Variants in EIF4G3 observed in about 807,000 individuals in gnomAD.
The protein encoded by EIF4G3 is eIF-4-gamma 3.
Under a neutral mutation model 186.4 loss-of-function variants are expected in EIF4G3, and 34 were observed. The observed-to-expected ratio is 0.18, with a 90% CI of 0.14 to 0.24. EIF4G3 has a LOEUF of 0.24. Ranked by LOEUF, EIF4G3 falls within the 10% of genes least tolerant of loss-of-function variation. EIF4G3 has a pLI of 1.00. For synonymous variants in EIF4G3, 673 were observed against 679.5 expected, an observed-to-expected ratio of 0.99 and a Z score of 0.15; for missense variants, 1,536 against 1,948.5, an observed-to-expected ratio of 0.79 and a Z score of 3.99.
At chr1:20,933,691 T>C (rs1381901675) in intron 14 of EIF4G3, among the ~76,000 whole-genome samples, 1 of 151,872 alleles carries the variant, frequency 6.6e-6, no homozygotes, top group African/African-American at 2.4e-5. Context: ...CAGGGCACCT[T>C]GTGAAATGAC....
At chr1:21,093,950 G>C (rs1467305837) in intron 2 of EIF4G3, among the ~76,000 whole-genome samples, 1 of 152,074 alleles carries the variant, frequency 6.6e-6, no homozygotes, top group African/African-American at 2.4e-5. Context: ...ACCAGGGCCT[G>C]TCATGGGGTG....
intron 34 of EIF4G3, among the ~76,000 whole-genome samples, chr1:20,815,759 G>T (rs1218239586): frequency 4.1e-5 from 5 of 123,424 alleles, no homozygotes; most frequent in Admixed American, 3.9e-4. Context: ...CCGGCCAGTT[G>T]CCCCGTCCAG....
At chr1:20,897,616 T>C (rs2088730077) in intron 16 of EIF4G3, among the ~76,000 whole-genome samples, 1 of 152,080 alleles carries the variant, frequency 6.6e-6, no homozygotes, top group South Asian at 2.1e-4. Context: ...CTTCTTACAT[T>C]AGAGATTCCT....
At chr1:21,000,375 C>A (rs1042589291) in intron 6 of EIF4G3, among the ~76,000 whole-genome samples, 1 of 152,004 alleles carries the variant, frequency 6.6e-6, no homozygotes, top group African/African-American at 2.4e-5. Context: ...CCTAAAACTG[C>A]GCAATTGCCA....
intron 4 of EIF4G3, among the ~76,000 whole-genome samples, chr1:21,012,985 A>T (rs1046772315): frequency 2.6e-5 from 4 of 152,222 alleles, no homozygotes; most frequent in Admixed American, 6.5e-5. Context: ...GAAGGATTTA[A>T]CCTTACCTAG....
intron 2 of EIF4G3, among the ~76,000 whole-genome samples, chr1:21,129,419 G>A (rs2097111498): frequency 1.3e-5 from 2 of 152,066 alleles, no homozygotes; most frequent in Non-Finnish European, 2.9e-5. Flanking sequence ...CACTTGGTAA[G>A]TACGACATTC....
At chr1:20,892,673 T>G (rs1572306470) in intron 18 of EIF4G3, 4 of 1,536,082 alleles carry the variant, frequency 2.6e-6, no homozygotes, top group East Asian at 2.4e-5. Flanking sequence ...GAGGGCAAGT[T>G]GGGGCTTTGC....
intron 13 of EIF4G3, among the ~76,000 whole-genome samples, chr1:20,949,442 T>C (rs1363880060): frequency 6.6e-6 from 1 of 152,166 alleles, no homozygotes; most frequent in African/African-American, 2.4e-5. Context: ...ACAGTAATCC[T>C]GTCAAGCACA....
At chr1:20,939,212 A>G (rs925044705) in intron 14 of EIF4G3, among the ~76,000 whole-genome samples, 1 of 152,094 alleles carries the variant, frequency 6.6e-6, no homozygotes, top group Non-Finnish European at 1.5e-5. Context: ...GGAAATTATA[A>G]AACTTGTAAT....
chr1:20,943,945 T>C (rs2095815174), intron 13 of EIF4G3, among the ~76,000 whole-genome samples: 1 of 143,898 alleles, frequency 6.9e-6, no homozygotes, highest in Non-Finnish European at 1.5e-5. Context: ...CAGACAAAAA[T>C]ATTTCAGGAA....
intron 34 of EIF4G3, among the ~76,000 whole-genome samples, chr1:20,814,750 T>TCCCTCTCCC (rs1557737589): frequency 4.9e-5 from 1 of 20,498 alleles, no homozygotes; most frequent in Non-Finnish European, 1.1e-4. Flanking sequence ...AAAATTCATC[T>TCCCTCTCCC]CCCCCTCCCC....
intron 3 of EIF4G3, among the ~76,000 whole-genome samples, chr1:21,072,648 C>T (rs893792425): frequency 3.9e-5 from 6 of 152,012 alleles, no homozygotes; most frequent in African/African-American, 1.4e-4. Context: ...GTGACCCGCC[C>T]GCCTCAGTAT....
intron 14 of EIF4G3, among the ~76,000 whole-genome samples, chr1:20,914,682 G>C (rs564192132): frequency 3.9e-5 from 6 of 152,044 alleles, no homozygotes; most frequent in African/African-American, 1.4e-4. Context: ...ATTTTCATTC[G>C]GTTCAAAATA....
At chr1:21,120,126 C>A (rs892388642) in intron 2 of EIF4G3, among the ~76,000 whole-genome samples, 1 of 149,882 alleles carries the variant, frequency 6.7e-6, no homozygotes, top group East Asian at 1.9e-4. Flanking sequence ...CATTTATTTT[C>A]GCACAATGGA....
chr1:21,166,792 G>C (rs1018463347), intron 2 of EIF4G3, among the ~76,000 whole-genome samples: 8 of 151,844 alleles, frequency 5.3e-5, no homozygotes, highest in East Asian at 1.9e-4. Flanking sequence ...GTTTTGGGGG[G>C]TTTTTTTGAG....
At chr1:21,042,964 T>C (rs2093663932) in intron 4 of EIF4G3, among the ~76,000 whole-genome samples, 1 of 152,220 alleles carries the variant, frequency 6.6e-6, no homozygotes, top group Non-Finnish European at 1.5e-5. Flanking sequence ...AAAATCTGAA[T>C]GTCACAACCA....
intron 2 of EIF4G3, among the ~76,000 whole-genome samples, chr1:21,161,222 A>T (rs923753715): frequency 1.3e-5 from 2 of 151,792 alleles, no homozygotes; most frequent in Admixed American, 1.3e-4. Flanking sequence ...AACAAGTGCC[A>T]GCCTGGCACA....
Position 21,136,045 on chromosome 1 carries a change from C to T in EIF4G3, c.-272+40130G>A, listed in dbSNP as rs189382281. 3.7e-3 allele frequency among the ~76,000 whole-genome samples: 562 copies of T among 151,626 alleles called. 5 individuals carry two copies. The highest frequency in any genetic ancestry group is 4.4e-3 in the Non-Finnish European group (301 of 67,900). ...AAAAATACAAAAAATTAGCCGGGCA[C>T]GGTGGCGGGCGCCTGTAGTCCCAGC... On this transcript the variant is annotated intron_variant, in intron 2 of 36. Transcript: ENST00000602326.
intron 2 of EIF4G3, among the ~76,000 whole-genome samples, chr1:21,164,236 ACAGT>A (rs1300839785): frequency 6.6e-6 from 1 of 152,234 alleles, no homozygotes; most frequent in Non-Finnish European, 1.5e-5. Flanking sequence ...GGACAGCAAA[ACAGT>A]CAAATGCTTA....
Sources: gnomAD v4.1 joint callset for allele counts (sites outside exome capture counted in the v4.1 genomes callset) on GRCh38, gnomAD v4.1.1 for gene constraint, MANE v1.5 for transcripts, NCBI Gene and HGNC (gene_info 2026-07-23, HGNC 2026-07-21) for gene names.